The following VMP1 variants were observed in gnomAD, a reference collection of about 807,000 sequenced individuals.
VMP1 encodes ectopic P-granules autophagy protein 3 homolog.
A neutral mutation model predicts 56.0 loss-of-function variants in VMP1; 11 were observed. The observed-to-expected ratio is 0.20, with a 90% CI of 0.12 to 0.32. The LOEUF is 0.32. Ranked by LOEUF, VMP1 falls within the 10% of genes least tolerant of loss-of-function variation. VMP1 has a pLI of 1.00. For synonymous variants in VMP1, 149 were observed against 165.0 expected (o/e 0.90, Z 0.74); for missense variants, 296 against 490.3 (o/e 0.60, Z 3.74).
chr17:59,809,757 C>T (rs2037991284), intron 8 of VMP1, among the ~76,000 whole-genome samples: 1 of 151,914 alleles, frequency 6.6e-6, no homozygotes, highest in Non-Finnish European at 1.5e-5. Flanking sequence ...CCGCCCGCCT[C>T]GGCCTCCCAA....
intron 10 of VMP1, among the ~76,000 whole-genome samples, chr17:59,834,405 C>G (rs1483598329): frequency 6.6e-6 from 1 of 152,130 alleles, no homozygotes; most frequent in Non-Finnish European, 1.5e-5. Context: ...GCTGAGATTA[C>G]AGGCATGTGC....
intron 1 of VMP1, among the ~76,000 whole-genome samples, chr17:59,724,170 C>T (rs764856139): frequency 1.3e-5 from 2 of 149,166 alleles, no homozygotes; most frequent in African/African-American, 2.5e-5. Context: ...CATGATTGCA[C>T]CACTGCACTC....
intron 5 of VMP1, among the ~76,000 whole-genome samples, chr17:59,753,882 G>T (rs961370640): frequency 2.6e-5 from 4 of 152,126 alleles, no homozygotes; most frequent in Non-Finnish European, 4.4e-5. Context: ...AAGCAGTTTG[G>T]AAGTAGAAAA....
At chr17:59,768,204 T>C (rs2036298452) in intron 6 of VMP1, among the ~76,000 whole-genome samples, 2 of 152,232 alleles carry the variant, frequency 1.3e-5, no homozygotes, top group South Asian at 4.1e-4. Context: ...TTGCTCTTCT[T>C]TCCTTCTTTG....
At chr17:59,817,114 C>CA (rs1388673274) in intron 9 of VMP1, among the ~76,000 whole-genome samples, 3 of 146,982 alleles carry the variant, frequency 2.0e-5, no homozygotes, top group South Asian at 2.2e-4. Context: ...ACTAAAAATA[C>CA]AAAAAAAAAT....
chr17:59,795,503 C>G (rs1452411352), intron 7 of VMP1, among the ~76,000 whole-genome samples: 1 of 148,814 alleles, frequency 6.7e-6, no homozygotes, highest in Non-Finnish European at 1.5e-5. Flanking sequence ...GAACATGTTT[C>G]TTTTGTTTTT....
intron 5 of VMP1, among the ~76,000 whole-genome samples, chr17:59,757,188 ATAT>A (rs1276785185): frequency 6.6e-5 from 10 of 152,190 alleles, no homozygotes; most frequent in African/African-American, 2.4e-4. Context: ...CATAGATACT[ATAT>A]TATTATCAGA....
chr17:59,728,746 A>G (rs537220862), intron 1 of VMP1, among the ~76,000 whole-genome samples: 4 of 152,290 alleles, frequency 2.6e-5, no homozygotes, highest in South Asian at 4.1e-4. Context: ...TTCATAACAT[A>G]TATTTCCTAT....
intron 10 of VMP1, among the ~76,000 whole-genome samples, chr17:59,821,031 C>T (rs1423472457): frequency 2.7e-5 from 4 of 145,970 alleles, no homozygotes; most frequent in African/African-American, 1.0e-4. Context: ...AGTGCAGTGG[C>T]GCGATCTTGG....
chr17:59,723,028 T>C (rs1202604320), intron 1 of VMP1, among the ~76,000 whole-genome samples: 7 of 152,166 alleles, frequency 4.6e-5, no homozygotes, highest in African/African-American at 1.7e-4. Context: ...GTCTTCCCAG[T>C]AGGTCAGTGT....
intron 1 of VMP1, among the ~76,000 whole-genome samples, chr17:59,724,138 G>C (rs1555612313): frequency 6.6e-6 from 1 of 151,382 alleles, no homozygotes; most frequent in Non-Finnish European, 1.5e-5. Context: ...CTTGAACCCA[G>C]GAGGTCGAGG....
chr17:59,726,158 A>G (rs1401041152), intron 1 of VMP1, among the ~76,000 whole-genome samples: 3 of 152,282 alleles, frequency 2.0e-5, no homozygotes, highest in South Asian at 4.1e-4. Context: ...TATCTTAAAT[A>G]TCCTTAAATA....
intron 10 of VMP1, among the ~76,000 whole-genome samples, chr17:59,820,104 C>A (rs1319422777): frequency 6.6e-6 from 1 of 152,206 alleles, no homozygotes; most frequent in African/African-American, 2.4e-5. Flanking sequence ...TTCTCCTCCT[C>A]TTCTTGAAAC....
chr17:59,838,260 GT>G (rs770304293), intron 10 of VMP1, 34 bp from the exon 11 acceptor site: 2 of 1,575,144 alleles, frequency 1.3e-6, no homozygotes, highest in Admixed American at 3.4e-5. Flanking sequence ...TCCCAAATGT[GT>G]CTTTTTCTTT....
At chr17:59,780,565 GT>G (rs1568133365) in intron 7 of VMP1, among the ~76,000 whole-genome samples, 1 of 152,048 alleles carries the variant, frequency 6.6e-6, no homozygotes, top group East Asian at 1.9e-4. Context: ...TTTTCGTGTT[GT>G]TTGTTTTTGT....
chr17:59,841,593 T>C lies in VMP1; in HGVS notation c.*1682T>C. On this transcript the variant is annotated 3_prime_UTR_variant, in exon 12 of 12. Coordinates refer to ENST00000262291, the MANE Select transcript of VMP1 (RefSeq NM_030938.5). ...TTATACTTCTTAACAATTCTTTTTT[T>C]CAGGGACTTTTCTAGCTGTATGACT... 5.8e-6 allele frequency: 1 copy of C among 173,330 alleles called. No homozygotes were observed. Among genetic ancestry groups the C allele is most frequent in the Non-Finnish European group, 1.3e-5 (1 of 78,290 alleles). 10.7% of individuals were successfully genotyped at this position (173,330 alleles called of 1,614,324 possible). A position where few individuals can be genotyped will look rare whatever the true frequency, so the allele number is the denominator to read the frequency against.
At chr17:59,766,840 C>T (rs1479357701) in intron 6 of VMP1, among the ~76,000 whole-genome samples, 5 of 151,462 alleles carry the variant, frequency 3.3e-5, no homozygotes, top group East Asian at 1.9e-4. Context: ...AGTGTGGTAG[C>T]GCAATCTCGG....
intron 10 of VMP1, among the ~76,000 whole-genome samples, chr17:59,836,359 A>G (rs2038981509): frequency 6.6e-6 from 1 of 151,476 alleles, no homozygotes; most frequent in Non-Finnish European, 1.5e-5. Context: ...CACCATTCTC[A>G]GCTCATTTTT....
intron 7 of VMP1, among the ~76,000 whole-genome samples, chr17:59,782,366 A>G (rs1488620480): frequency 6.6e-6 from 1 of 151,712 alleles, no homozygotes; most frequent in Non-Finnish European, 1.5e-5. Context: ...AGTGATTTTA[A>G]TATGTTAGTT....
Sources: allele counts gnomAD v4.1 joint callset (sites outside exome capture counted in the v4.1 genomes callset), GRCh38; gene constraint gnomAD v4.1.1; transcripts MANE v1.5; gene names NCBI Gene and HGNC (gene_info 2026-07-23, HGNC 2026-07-21).